PELI1: variants seen among roughly 807,000 people sequenced by gnomAD.
PELI1 encodes the protein pellino E3 ubiquitin protein ligase 1.
PELI1 carries 15 observed loss-of-function variants against 41.3 expected under a neutral mutation model. The ratio of observed to expected loss-of-function variants is 0.36; its 90% confidence interval spans 0.24 to 0.56. PELI1 has a LOEUF of 0.56. Among genes scored for constraint, PELI1 ranks in the 20% least tolerant of loss-of-function variants. The probability of loss-of-function intolerance (pLI) is 0.82; values close to 1 mark genes in which losing one functional copy is unlikely to be tolerated. For missense variants in PELI1, 403 were observed against 525.5 expected, an observed-to-expected ratio of 0.77 and a Z score of 2.28; for synonymous variants, 178 against 180.1, an observed-to-expected ratio of 0.99 and a Z score of 0.09.
chr2:64,107,670 T>A (rs1421920768), intron 2 of PELI1, among the ~76,000 whole-genome samples: 1 of 152,084 alleles, frequency 6.6e-6, no homozygotes, highest in Non-Finnish European at 1.5e-5. Flanking sequence ...ATAACATTTT[T>A]CATTTCATTT....
At chr2:64,117,008 C>T (rs905159613) in intron 1 of PELI1, among the ~76,000 whole-genome samples, 3 of 152,086 alleles carry the variant, frequency 2.0e-5, no homozygotes, top group African/African-American at 7.2e-5. Flanking sequence ...TGAATTGTGT[C>T]CATATAAGGT....
chr2:64,131,117 T>C (rs1681540033), intron 1 of PELI1, among the ~76,000 whole-genome samples: 1 of 152,166 alleles, frequency 6.6e-6, no homozygotes, highest in South Asian at 2.1e-4. Flanking sequence ...TGGTTCTTTA[T>C]GAATTTCTTG....
intron 3 of PELI1, among the ~76,000 whole-genome samples, chr2:64,104,204 ATGAAGT>A (rs1216619855): frequency 6.6e-6 from 1 of 152,270 alleles, no homozygotes; most frequent in Non-Finnish European, 1.5e-5. Context: ...GCTCAAATAT[ATGAAGT>A]TATAAACCAA....
At chr2:64,141,574 T>C (rs1294609218) in intron 1 of PELI1, among the ~76,000 whole-genome samples, 2 of 152,206 alleles carry the variant, frequency 1.3e-5, no homozygotes, top group East Asian at 3.8e-4. Flanking sequence ...CGAAGCATAA[T>C]GACTATCTAC....
Position 64,093,272 on chromosome 2 carries a change from T to C in PELI1, c.*1430A>G, listed in dbSNP as rs1405061306. On this transcript the variant is annotated 3_prime_UTR_variant, in exon 7 of 7. Coordinates refer to ENST00000358912, the MANE Select transcript of PELI1 (RefSeq NM_020651.4). The stretch of plus-strand genomic sequence containing the variant: ...GATAAATTAAAGGTATGCTACCACA[T>C]ATAAAACTTTGCTACAGTCAGTTAA... The C allele has an allele frequency of 1.3e-5, 2 of 152,656 alleles. No homozygotes were observed. The highest frequency in any genetic ancestry group is 4.8e-5 in the African/African-American group (2 of 41,458). The allele number at this position is 152,656 out of a possible 1,614,324, so 9.5% of individuals were successfully genotyped here.
At chr2:64,095,454 TTAACA>T (rs1680201554) in intron 6 of PELI1, among the ~76,000 whole-genome samples, 186 bp from the exon 7 acceptor site, 2 of 152,322 alleles carry the variant, frequency 1.3e-5, no homozygotes, top group East Asian at 3.9e-4. Flanking sequence ...ATATCAAACA[TTAACA>T]TATTTCTTTT....
intron 4 of PELI1, among the ~76,000 whole-genome samples, chr2:64,097,103 G>A (rs989282624): frequency 6.6e-6 from 1 of 152,170 alleles, no homozygotes; most frequent in Non-Finnish European, 1.5e-5. Context: ...GCTACAAGAG[G>A]TATACAAGGC....
intron 1 of PELI1, among the ~76,000 whole-genome samples, chr2:64,137,116 T>C (rs1675110829): frequency 2.0e-5 from 3 of 152,152 alleles, no homozygotes; most frequent in Admixed American, 1.3e-4. Flanking sequence ...GTCCTGAGAG[T>C]AGATTTTTAC....
chr2:64,110,568 T>C (rs1680778514), intron 1 of PELI1, among the ~76,000 whole-genome samples: 1 of 152,164 alleles, frequency 6.6e-6, no homozygotes, highest in African/African-American at 2.4e-5. Context: ...AGCAAAAATA[T>C]GAGTAAATAC....
At chr2:64,124,920 C>T (rs183408031) in intron 1 of PELI1, among the ~76,000 whole-genome samples, 59 of 152,320 alleles carry the variant, frequency 3.9e-4, no homozygotes, top group Admixed American at 2.2e-3. Flanking sequence ...GACCAACTAG[C>T]TATAAATTGG....
chr2:64,114,090 C>A (rs542998961), intron 1 of PELI1, among the ~76,000 whole-genome samples: 10 of 151,808 alleles, frequency 6.6e-5, no homozygotes, highest in Non-Finnish European at 1.0e-4. Flanking sequence ...TAATGGGGTA[C>A]TGAGAAAAAA....
intron 1 of PELI1, 27 bp downstream of exon 1, chr2:64,144,054 C>T (rs1682021436): frequency 6.6e-6 from 1 of 151,878 alleles, no homozygotes; most frequent in African/African-American, 2.4e-5. Context: ...CGCCATCCAT[C>T]CCGCGGCGCC....
At chr2:64,100,531 G>C in intron 3 of PELI1, 32 bp from the exon 4 acceptor site, 1 of 1,019,214 alleles carries the variant, frequency 9.8e-7, no homozygotes. Context: ...GCAAAAATTA[G>C]TAGGCAGGTC....
intron 1 of PELI1, among the ~76,000 whole-genome samples, chr2:64,120,547 A>G (rs1393477186): frequency 6.6e-6 from 1 of 152,242 alleles, no homozygotes; most frequent in Non-Finnish European, 1.5e-5. Flanking sequence ...GTAGCCCTAA[A>G]GTGTTCAACC....
chr2:64,122,918 C>T (rs1050754806), intron 1 of PELI1, among the ~76,000 whole-genome samples: 1 of 152,112 alleles, frequency 6.6e-6, no homozygotes, highest in Non-Finnish European at 1.5e-5. Context: ...CTTCCAATTT[C>T]ATTTTATAAT....
At chr2:64,102,357 CAT>C (rs1476614901) in intron 3 of PELI1, among the ~76,000 whole-genome samples, 1 of 151,702 alleles carries the variant, frequency 6.6e-6, no homozygotes, top group Non-Finnish European at 1.5e-5. Flanking sequence ...CGCACACACA[CAT>C]ATACATATAT....
At chr2:64,112,475 G>C (rs999174160) in intron 1 of PELI1, among the ~76,000 whole-genome samples, 3 of 152,134 alleles carry the variant, frequency 2.0e-5, no homozygotes, top group Admixed American at 6.5e-5. Context: ...CAAGAGTACG[G>C]CTGGCATATA....
At chr2:64,138,552 C>T (rs1043247619) in intron 1 of PELI1, among the ~76,000 whole-genome samples, 1 of 152,046 alleles carries the variant, frequency 6.6e-6, no homozygotes. Flanking sequence ...CATGGTGAAA[C>T]CCTGTCTCTA....
intron 1 of PELI1, among the ~76,000 whole-genome samples, chr2:64,112,448 G>C (rs1178994821): frequency 6.6e-6 from 1 of 152,060 alleles, no homozygotes; most frequent in Non-Finnish European, 1.5e-5. Flanking sequence ...TTTTTGCTTA[G>C]ACAAGAAACT....
Sources: allele counts gnomAD v4.1 joint callset (sites outside exome capture counted in the v4.1 genomes callset), GRCh38; gene constraint gnomAD v4.1.1; transcripts MANE v1.5; gene names NCBI Gene and HGNC (gene_info 2026-07-23, HGNC 2026-07-21).